Variants in MRPS9 observed in about 807,000 individuals in gnomAD.
MRPS9 encodes small ribosomal subunit protein uS9m.
Under a neutral mutation model 59.9 loss-of-function variants are expected in MRPS9, and 45 were observed. The observed-to-expected ratio is 0.75, with a 90% CI of 0.59 to 0.96. The LOEUF is 0.96. Ranked by LOEUF, MRPS9 falls within the 40% of genes least tolerant of loss-of-function variation. The pLI, the probability that MRPS9 is intolerant of heterozygous loss-of-function variation, is 0.00. For missense variants in MRPS9, 473 were observed against 481.1 expected (o/e 0.98, Z 0.16); for synonymous variants, 171 against 166.8 (o/e 1.03, Z -0.19).
At chr2:105,063,490 A>G (rs1448976629) in intron 2 of MRPS9, among the ~76,000 whole-genome samples, 1 of 152,250 alleles carries the variant, frequency 6.6e-6, no homozygotes, top group Non-Finnish European at 1.5e-5. Flanking sequence ...ACTTTCATTC[A>G]TACAGAAAAA....
chr2:105,043,460 TTCC>T (rs1289984300), intron 1 of MRPS9, among the ~76,000 whole-genome samples: 1 of 152,136 alleles, frequency 6.6e-6, no homozygotes, highest in Non-Finnish European at 1.5e-5. Flanking sequence ...TCCTCAGATG[TTCC>T]TCCTCCTGAG....
intron 2 of MRPS9, among the ~76,000 whole-genome samples, chr2:105,052,611 T>C (rs1396589129): frequency 6.6e-6 from 1 of 152,202 alleles, no homozygotes; most frequent in African/African-American, 2.4e-5. Context: ...GGTTTTGATA[T>C]TGGTAATACT....
At chr2:105,060,857 A>G (rs1484335773) in intron 2 of MRPS9, among the ~76,000 whole-genome samples, 1 of 151,630 alleles carries the variant, frequency 6.6e-6, no homozygotes, top group Non-Finnish European at 1.5e-5. Context: ...CACGCCTGTA[A>G]TCCCAGCACT....
At chr2:105,047,360 CAT>C (rs951579246) in intron 1 of MRPS9, among the ~76,000 whole-genome samples, 8 of 151,684 alleles carry the variant, frequency 5.3e-5, no homozygotes, top group African/African-American at 1.9e-4. Context: ...AGTTTAAAAA[CAT>C]ATATTTTTTT....
At chr2:105,099,586 G>A in intron 10 of MRPS9, 84 bp from the exon 11 acceptor site, 1 of 1,322,686 alleles carries the variant, frequency 7.6e-7, no homozygotes, top group South Asian at 1.4e-5. Context: ...TCAGACAACA[G>A]TACCTATAAA....
At chr2:105,061,028 T>G (rs1040621395) in intron 2 of MRPS9, among the ~76,000 whole-genome samples, 1 of 133,816 alleles carries the variant, frequency 7.5e-6, no homozygotes, top group African/African-American at 2.8e-5. Context: ...GAGAATGGCG[T>G]GAACCCGGGA....
intron 4 of MRPS9, among the ~76,000 whole-genome samples, chr2:105,078,060 TGGTTA>T (rs1161345947): frequency 8.6e-5 from 13 of 151,460 alleles, no homozygotes; most frequent in African/African-American, 3.2e-4. Context: ...ATTAAAATGG[TGGTTA>T]CTGACGCAGA....
chr2:105,065,603 G>A (rs957756731), intron 2 of MRPS9, among the ~76,000 whole-genome samples: 5 of 152,094 alleles, frequency 3.3e-5, no homozygotes, highest in African/African-American at 1.2e-4. Context: ...TCTTCTTATG[G>A]TTATAATAAG....
At chr2:105,097,026 T>G (rs1680675532) in intron 9 of MRPS9, 129 bp from the exon 10 acceptor site, 5 of 903,400 alleles carry the variant, frequency 5.5e-6, no homozygotes, top group Admixed American at 7.4e-5. Context: ...ATGGATTGAT[T>G]GAGAAGTATG....
At chr2:105,042,796 A>G (rs545130484) in intron 1 of MRPS9, among the ~76,000 whole-genome samples, 60 of 152,370 alleles carry the variant, frequency 3.9e-4, no homozygotes, top group African/African-American at 1.4e-3. Context: ...GGTCTATAAT[A>G]ATTGCTCAGA....
At chr2:105,050,021 T>G (rs17634868) in intron 2 of MRPS9, among the ~76,000 whole-genome samples, 31,468 of 152,152 alleles carry the variant, frequency 0.21, 3,335 homozygotes, top group Middle Eastern at 0.35. Context: ...TTTTTAGTCA[T>G]TTTATGCACT....
Position 105,092,485 on chromosome 2 carries a change from A to G in MRPS9, c.736A>G (p.Arg246Gly). 6.2e-7 allele frequency: 1 copy of G among 1,614,020 alleles called. No individual in the cohort carries two copies. Among genetic ancestry groups the G allele is most frequent in the Non-Finnish European group, 8.5e-7 (1 of 1,179,950 alleles). Residue 246 changes from arginine to glycine, a missense_variant, in exon 8 of 11, where the codon AGA becomes GGA. Arg to Gly is a moderately radical substitution (Grantham distance 125). Coordinates refer to ENST00000258455, the MANE Select transcript of MRPS9 (RefSeq NM_182640.3). ...GGAAGAATTTGTGCAGAGGTTTCGA[A>G]GAAGTGTAACTCTTGAATCAAAAAA... Reference protein sequence around the residue: ...AEEEFVQRFRRSVTLESKKQL... With the variant: ...AEEEFVQRFRGSVTLESKKQL...
intron 9 of MRPS9, 94 bp downstream of exon 9, chr2:105,093,732 T>C (rs1680605302): frequency 1.8e-6 from 1 of 544,514 alleles, no homozygotes; most frequent in Admixed American, 3.3e-5. Context: ...TCTAATTCTG[T>C]TTATCTGAAT....
intron 5 of MRPS9, 135 bp downstream of exon 5, chr2:105,080,197 G>C: frequency 2.1e-6 from 1 of 483,524 alleles, no homozygotes; most frequent in Non-Finnish European, 3.5e-6. Context: ...AGGTAGGACA[G>C]TGTGTTGATG....
At position 105,061,225 on chromosome 2, in the gene MRPS9, G is replaced by A. The variant is rs181406718; in HGVS notation, c.316-10088G>A. Among the ~76,000 whole-genome samples, 503 of 152,040 alleles carry A rather than the reference G, an allele frequency of 3.3e-3. 5 individuals carry two copies. Among genetic ancestry groups the A allele is most frequent in the African/African-American group, 0.011 (467 of 41,484 alleles). On this transcript the variant is annotated intron_variant, in intron 2 of 10. Coordinates refer to ENST00000258455, the MANE Select transcript of MRPS9 (RefSeq NM_182640.3). ...AATGCCCTAACAGACCAGCTTACAG[G>A]CAGTCAAAACTAAAACAGTCGGATG...
At chr2:105,041,480 A>G (rs1679501016) in intron 1 of MRPS9, among the ~76,000 whole-genome samples, 2 of 150,714 alleles carry the variant, frequency 1.3e-5, no homozygotes, top group African/African-American at 2.4e-5. Context: ...GGCCCTTTAT[A>G]TTTTGGTTTC....
intron 1 of MRPS9, among the ~76,000 whole-genome samples, chr2:105,048,195 C>T (rs1456340398): frequency 6.6e-6 from 1 of 152,016 alleles, no homozygotes; most frequent in Non-Finnish European, 1.5e-5. Context: ...AGTTCATGTC[C>T]TTTGCAGGGA....
chr2:105,091,379 C>T (rs931118935), intron 7 of MRPS9: 4 of 471,082 alleles, frequency 8.5e-6, no homozygotes. Context: ...GAGCACAGAA[C>T]GCCCAGGCCA....
intron 4 of MRPS9, among the ~76,000 whole-genome samples, chr2:105,072,628 A>T (rs1487875122): frequency 6.6e-6 from 1 of 152,114 alleles, no homozygotes; most frequent in Non-Finnish European, 1.5e-5. Flanking sequence ...TCTACTTGAG[A>T]ATAGCTTGGT....
Sources: allele counts gnomAD v4.1 joint callset (sites outside exome capture counted in the v4.1 genomes callset), GRCh38; gene constraint gnomAD v4.1.1; transcripts MANE v1.5; gene names NCBI Gene and HGNC (gene_info 2026-07-23, HGNC 2026-07-21).